The following BRIP1 variants were observed in gnomAD, a reference collection of about 807,000 sequenced individuals.
The protein encoded by BRIP1 is Fanconi anemia group J protein.
In BRIP1, 88 loss-of-function variants were observed where a neutral mutation model predicts 119.7. The ratio of observed to expected loss-of-function variants is 0.74; its 90% CI spans 0.62 to 0.88. The LOEUF is 0.88. Ranked by LOEUF, BRIP1 falls within the 40% of genes least tolerant of loss-of-function variation. The pLI, the probability that BRIP1 is intolerant of heterozygous loss-of-function variation, is 0.00. For synonymous variants in BRIP1, 443 were observed against 496.5 expected (o/e 0.89, Z 1.43); for missense variants, 1,259 against 1,455.4 (o/e 0.87, Z 2.20).
chr17:61,780,157 C>A lies in BRIP1; in HGVS notation c.1935+104G>T, dbSNP rs2145070396. 2 of 1,256,336 alleles carry A rather than the reference C, an allele frequency of 1.6e-6. No homozygotes were observed. The highest frequency in any genetic ancestry group is 1.1e-6 in the Non-Finnish European group (1 of 879,044). The allele number at this position is 1,256,336 out of a possible 1,614,324, so 77.8% of individuals were successfully genotyped here. A position where few individuals can be genotyped will look rare whatever the true frequency, so the allele number is the denominator to read the frequency against. On this transcript the variant is annotated intron_variant, in intron 13 of 19. Coordinates refer to ENST00000259008, the MANE Select transcript of BRIP1 (RefSeq NM_032043.3). The surrounding 1 kb of genome is among the most constrained non-coding windows in gnomAD (Gnocchi z 5.4). ...TAAAACTGGAATGTTGAATTTCCTA[C>A]CAAGATTTACTTGCTGGCACTTCAG...
Position 61,693,581 on chromosome 17 carries a change from G to T in BRIP1, c.2493-69C>A. 1.5e-6 allele frequency: 2 copies of T among 1,347,856 alleles called. No homozygotes were observed. The highest frequency in any genetic ancestry group is 1.1e-6 in the Non-Finnish European group (1 of 944,674). 83.5% of individuals were successfully genotyped at this position (1,347,856 alleles called of 1,614,324 possible). On this transcript the variant is annotated intron_variant, in intron 17 of 19. Coordinates refer to ENST00000259008, the MANE Select transcript of BRIP1 (RefSeq NM_032043.3). The surrounding 1 kb of genome is among the most constrained non-coding windows in gnomAD (Gnocchi z 4.2). ...ATAAATCCAGTTTTCCAGTGGGACA[G>T]ACAGAAAATTGGAAAAAAATCAATT...
At chr17:61,692,152 A>G (rs552673277) in intron 18 of BRIP1, among the ~76,000 whole-genome samples, 1 of 152,354 alleles carries the variant, frequency 6.6e-6, no homozygotes, top group East Asian at 1.9e-4. Flanking sequence ...GGTCCTCATT[A>G]GAAGCAGATG....
chr17:61,817,250 A>G (rs1278370891), intron 6 of BRIP1, among the ~76,000 whole-genome samples: 1 of 152,192 alleles, frequency 6.6e-6, no homozygotes, highest in African/African-American at 2.4e-5. Flanking sequence ...ACATATATGT[A>G]TTATTTAGTC....
rs1339088702 is a variant in BRIP1 at position 61,769,084 on chromosome 17, C to T, written c.2097+7317G>A. Among the ~76,000 whole-genome samples, 5 of 152,050 alleles carry T rather than the reference C, an allele frequency of 3.3e-5. No homozygotes were observed. The highest frequency in any genetic ancestry group is 5.9e-5 in the Non-Finnish European group (4 of 68,024). Reference sequence around the variant, plus strand: ...AGACTGGGTATCTCACTCAGTCCTACGACTACAAGGGATAAATTCTGCAAA... The same window carrying T: ...AGACTGGGTATCTCACTCAGTCCTATGACTACAAGGGATAAATTCTGCAAA... On this transcript the variant is annotated intron_variant, in intron 14 of 19. Transcript: ENST00000259008. The surrounding 1 kb of genome is among the most constrained non-coding windows in gnomAD (Gnocchi z 4.9).
At position 61,851,129 on chromosome 17, in the gene BRIP1, G is replaced by A. The variant is rs1358410712; in HGVS notation, c.380-1873C>T. On this transcript the variant is annotated intron_variant, in intron 4 of 19. Coordinates refer to ENST00000259008, the MANE Select transcript of BRIP1 (RefSeq NM_032043.3). This position sits in a 1 kb window ranked among gnomAD's most constrained non-coding sequence, Gnocchi z 4.6. ...TGTAATCCCAGCTACTTGGGAGGCT[G>A]AGGCAGGAGAATCACTTGAACCCGG... Among the ~76,000 whole-genome samples, 3 of 152,000 alleles carry A rather than the reference G, an allele frequency of 2.0e-5. No individual in the cohort carries two copies. The highest frequency in any genetic ancestry group is 4.4e-5 in the Non-Finnish European group (3 of 68,024).
At chr17:61,833,230 A>C (rs2078518468) in intron 6 of BRIP1, among the ~76,000 whole-genome samples, 1 of 152,236 alleles carries the variant, frequency 6.6e-6, no homozygotes, top group Non-Finnish European at 1.5e-5. Context: ...ACACATCAAG[A>C]AAACTTAGAG....
intron 4 of BRIP1, among the ~76,000 whole-genome samples, chr17:61,849,687 CA>C (rs2145772083): frequency 6.6e-6 from 1 of 152,292 alleles, no homozygotes; most frequent in Admixed American, 6.5e-5. Context: ...CTTTTAATCC[CA>C]TAATCCTGAA....
chr17:61,691,362 T>C lies in BRIP1; in HGVS notation c.2575+2068A>G, dbSNP rs1413517222. 1.3e-5 allele frequency among the ~76,000 whole-genome samples: 2 copies of C among 152,076 alleles called. No homozygotes were observed. The highest frequency in any genetic ancestry group is 1.5e-5 in the Non-Finnish European group (1 of 68,012). ...CCTGTACACTGGAAATTATAAAACA[T>C]TGCTGAAAAACAGTAAAGATAACAC... On this transcript the variant is annotated intron_variant, in intron 18 of 19. Coordinates refer to ENST00000259008, the MANE Select transcript of BRIP1 (RefSeq NM_032043.3). This position sits in a 1 kb window ranked among gnomAD's most constrained non-coding sequence, Gnocchi z 5.0.
At chr17:61,783,434 C>G (rs1386654542) in intron 11 of BRIP1, among the ~76,000 whole-genome samples, 1 of 151,954 alleles carries the variant, frequency 6.6e-6, no homozygotes, top group Non-Finnish European at 1.5e-5. Flanking sequence ...GTACAGAATT[C>G]CTATTTGGAA....
chr17:61,719,184 C>A (rs545565661), intron 16 of BRIP1, among the ~76,000 whole-genome samples: 3 of 148,700 alleles, frequency 2.0e-5, no homozygotes, highest in East Asian at 2.1e-4. Context: ...TTGCCCCCCC[C>A]CCATGTTTAT....
rs371160215 is a variant in BRIP1, at chr17:61,823,796, A to ACACACACACC, written c.628-15040_628-15039insGGTGTGTGTG. ...CACACACACACACACACACACACACACCTTAGTTGAATTGCTGAAAGCAGA... is the reference window on the plus strand; with the variant it reads ...CACACACACACACACACACACACACACACACACACCCCTTAGTTGAATTGCTGAAAGCAGA... On this transcript the variant is annotated intron_variant, in intron 6 of 19. Coordinates refer to ENST00000259008, the MANE Select transcript of BRIP1 (RefSeq NM_032043.3). This position sits in a 1 kb window ranked among gnomAD's most constrained non-coding sequence, Gnocchi z 4.8. Among the ~76,000 whole-genome samples, 51 of 148,936 alleles carry ACACACACACC rather than the reference A, an allele frequency of 3.4e-4. No individual in the cohort carries two copies. Among genetic ancestry groups the ACACACACACC allele is most frequent in the South Asian group, 2.1e-3 (10 of 4,662 alleles).
At chr17:61,788,847 A>G (rs1035122077) in intron 10 of BRIP1, among the ~76,000 whole-genome samples, 3 of 152,076 alleles carry the variant, frequency 2.0e-5, no homozygotes, top group Admixed American at 2.0e-4. Context: ...TAATCCTAGC[A>G]CTTTGAAAGA....
chr17:61,693,636 A>G lies in BRIP1; in HGVS notation c.2493-124T>C. The G allele has an allele frequency of 1.2e-6, 1 of 802,252 alleles. No homozygotes were observed. The highest frequency in any genetic ancestry group is 1.6e-5 in the South Asian group (1 of 64,498). 49.7% of individuals were successfully genotyped at this position (802,252 alleles called of 1,614,324 possible). On this transcript the variant is annotated intron_variant, in intron 17 of 19. Coordinates refer to ENST00000259008, the MANE Select transcript of BRIP1 (RefSeq NM_032043.3). The surrounding 1 kb of genome is among the most constrained non-coding windows in gnomAD (Gnocchi z 4.2). Reference sequence around the variant, plus strand: ...AGATTCCTTTAAACAATTTGTTATTATCAGAAAAGTTACAGAAGCTATCCA... The same window carrying G: ...AGATTCCTTTAAACAATTTGTTATTGTCAGAAAAGTTACAGAAGCTATCCA...
chr17:61,798,615 C>T lies in BRIP1; in HGVS notation c.1340+485G>A, dbSNP rs1216960022. ...CTATGGTAACAAGATTCTAGATCAACAACTTAATGTCTAATAAAAGAAAAA... is the reference window on the plus strand; with the variant it reads ...CTATGGTAACAAGATTCTAGATCAATAACTTAATGTCTAATAAAAGAAAAA... On this transcript the variant is annotated intron_variant, in intron 9 of 19. Transcript: ENST00000259008. The surrounding 1 kb of genome is among the most constrained non-coding windows in gnomAD (Gnocchi z 5.5). Among the ~76,000 whole-genome samples, 2 of 151,774 alleles carry T rather than the reference C, an allele frequency of 1.3e-5. No individual in the cohort carries two copies. The highest frequency in any genetic ancestry group is 4.8e-5 in the African/African-American group (2 of 41,372).
rs1015882802 is a variant in BRIP1 at position 61,686,229 on chromosome 17, G to C, written c.2576-64C>G. 5 of 1,394,842 alleles carry C rather than the reference G, an allele frequency of 3.6e-6. No individual in the cohort carries two copies. Among genetic ancestry groups the C allele is most frequent in the Non-Finnish European group, 4.1e-6 (4 of 982,752 alleles). 86.4% of individuals were successfully genotyped at this position (1,394,842 alleles called of 1,614,324 possible). A position where few individuals can be genotyped will look rare whatever the true frequency, so the allele number is the denominator to read the frequency against. On this transcript the variant is annotated intron_variant, in intron 18 of 19. Transcript: ENST00000259008. The surrounding 1 kb of genome is among the most constrained non-coding windows in gnomAD (Gnocchi z 5.4). ...TAGTTATTAAAATATTACATGCTAA[G>C]GTAATACACTTGCTTTTTCTAGTGA...
Position 61,746,381 on chromosome 17 carries a change from GATTAAA to G in BRIP1, c.2098-1796_2098-1791del, listed in dbSNP as rs2077058272. On this transcript the variant is annotated intron_variant, in intron 14 of 19. Coordinates refer to ENST00000259008, the MANE Select transcript of BRIP1 (RefSeq NM_032043.3). The surrounding 1 kb of genome is among the most constrained non-coding windows in gnomAD (Gnocchi z 4.9). ...TCGGTCATTACTTTAAATGTAAATG[GATTAAA>G]TTTTCTAATCAAAAGATATAAAGTA... Among the ~76,000 whole-genome samples, 1 of 152,052 alleles carries G rather than the reference GATTAAA, an allele frequency of 6.6e-6. No homozygotes were observed. The highest frequency in any genetic ancestry group is 1.5e-5 in the Non-Finnish European group (1 of 67,998).
rs139001374 is a variant in BRIP1 at position 61,779,525 on chromosome 17, C to A, written c.1935+736G>T. On this transcript the variant is annotated intron_variant, in intron 13 of 19. Transcript: ENST00000259008. The stretch of plus-strand genomic sequence containing the variant: ...ATCCCAGCTACTCAGAAGGTTGAGG[C>A]AGGAGAACCGCTGGAACCCAGGAGG... Among the ~76,000 whole-genome samples, 8 of 152,306 alleles carry A rather than the reference C, an allele frequency of 5.3e-5. No individual in the cohort carries two copies. The East Asian group carries it at 1.5e-3, about 29-fold the overall frequency.
rs189935192 is a variant in BRIP1 at position 61,683,016 on chromosome 17, C to G, written c.*280G>C. On this transcript the variant is annotated 3_prime_UTR_variant, in exon 20 of 20. Coordinates refer to ENST00000259008, the MANE Select transcript of BRIP1 (RefSeq NM_032043.3). This position sits in a 1 kb window ranked among gnomAD's most constrained non-coding sequence, Gnocchi z 4.7. ...GCATGGTGGTGCACACCTGTAGTCC[C>G]AGCTACTCAGAAGGCTGAGGCAGGA... 986 of 395,252 alleles carry G rather than the reference C, an allele frequency of 2.5e-3. 4 individuals are homozygous for G. The highest frequency in any genetic ancestry group is 0.019 in the African/African-American group (922 of 48,566). 24.5% of individuals were successfully genotyped at this position (395,252 alleles called of 1,614,324 possible).
At chr17:61,702,301 G>A (rs1248107143) in intron 17 of BRIP1, among the ~76,000 whole-genome samples, 1 of 152,126 alleles carries the variant, frequency 6.6e-6, no homozygotes, top group East Asian at 1.9e-4. Flanking sequence ...AGGAATACAT[G>A]TGCAGGTTTG....
Sources: gnomAD v4.1 joint callset for allele counts (sites outside exome capture counted in the v4.1 genomes callset) on GRCh38, gnomAD v4.1.1 for gene constraint, Gnocchi (gnomAD v3.1) non-coding constraint, MANE v1.5 for transcripts, NCBI Gene and HGNC (gene_info 2026-07-23, HGNC 2026-07-21) for gene names.